The following GARNL3 variants were observed in gnomAD, a reference collection of about 807,000 sequenced individuals.
GARNL3 encodes GTPase-activating Rap/Ran-GAP domain-like protein 3.
In GARNL3, 63 loss-of-function variants were observed where a neutral mutation model predicts 125.0. That is an observed-to-expected ratio of 0.50 (90% CI 0.41 to 0.62). The LOEUF (loss-of-function observed/expected upper bound fraction) is 0.62. GARNL3 is among the 20% of genes least tolerant of loss of function. GARNL3 has a pLI of 0.00. For synonymous variants in GARNL3, 439 were observed against 457.5 expected, an observed-to-expected ratio of 0.96 and a Z score of 0.52; for missense variants, 994 against 1,244.0, an observed-to-expected ratio of 0.80 and a Z score of 3.02.
In GARNL3 at chr9:127,280,579, C is replaced by A. The variant is rs949288450; in HGVS notation, c.145-10589C>A. The stretch of plus-strand genomic sequence containing the variant: ...CAGACACCAAATACGTTTCTCGATT[C>A]TTCTCCATTGGCCGTATAGTAAGTA... On this transcript the variant is annotated intron_variant, in intron 1 of 27. Transcript: ENST00000373387. The surrounding 1 kb of genome is among the most constrained non-coding windows in gnomAD (Gnocchi z 4.5). 2.0e-5 allele frequency among the ~76,000 whole-genome samples: 3 copies of A among 152,204 alleles called. No homozygotes were observed. The highest frequency in any genetic ancestry group is 4.4e-5 in the Non-Finnish European group (3 of 68,038).
intron 15 of GARNL3, 115 bp downstream of exon 15, chr9:127,344,454 T>G: frequency 1.4e-6 from 1 of 737,526 alleles, no homozygotes; most frequent in East Asian, 2.5e-5. Flanking sequence ...CTCTGTAATT[T>G]CTGTTAGGAT....
chr9:127,245,189 C>T (rs2063277280), intron 2 of GARNL3: 1 of 152,376 alleles, frequency 6.6e-6, no homozygotes, highest in South Asian at 2.1e-4. Flanking sequence ...CCTTTCCAGA[C>T]TGCAAGGCCC....
At chr9:127,296,431 G>A (rs1054492628) in intron 2 of GARNL3, among the ~76,000 whole-genome samples, 3 of 150,524 alleles carry the variant, frequency 2.0e-5, no homozygotes, top group Admixed American at 2.0e-4. Flanking sequence ...ATGATTTAGG[G>A]GTTTATATAG....
Position 127,324,968 on chromosome 9 carries a change from A to G in GARNL3, c.568-101A>G, listed in dbSNP as rs1171382240. On this transcript the variant is annotated intron_variant, in intron 6 of 27. Coordinates refer to ENST00000373387, the MANE Select transcript of GARNL3 (RefSeq NM_032293.5). Reference sequence around the variant, plus strand: ...TAACCAACTTTTAAAATTATTTTCAAAATGTCAGTGTGAGCAAACCAAAGC... The same window carrying G: ...TAACCAACTTTTAAAATTATTTTCAGAATGTCAGTGTGAGCAAACCAAAGC... The G allele has an allele frequency of 2.5e-6, 3 of 1,202,840 alleles. No homozygotes were observed. The African/African-American group carries it at 4.6e-5, about 18-fold the overall frequency. The allele number at this position is 1,202,840 out of a possible 1,614,324, so 74.5% of individuals were successfully genotyped here.
At chr9:127,323,779 C>G (rs1435008738) in intron 6 of GARNL3, among the ~76,000 whole-genome samples, 1 of 151,744 alleles carries the variant, frequency 6.6e-6, no homozygotes, top group Non-Finnish European at 1.5e-5. Flanking sequence ...ATATATACAC[C>G]TACTGATGTA....
Position 127,390,698 on chromosome 9 carries a change from C to A in GARNL3, c.2801C>A (p.Pro934His). The change falls in exon 27 of 28, where the codon CCC becomes CAC. Residue 934 changes from proline (P) to histidine (H), a missense_variant. Around this residue, in one of 5 missense-constraint regions of GARNL3, gnomAD observed 728 missense variants for 865.7 expected, o/e 0.84. Transcript: ENST00000373387. ...GGAGCGCCAAAGGCCAAATCAAAAC[C>A]CCGGAAGCGGTTAGAAGAAAGCCAA... ...SEGAPKAKSKPRKRLEESQGG... is the reference protein window; with the variant it reads ...SEGAPKAKSKHRKRLEESQGG... The A allele has an allele frequency of 6.2e-7, 1 of 1,614,028 alleles. No individual in the cohort carries two copies.
At chr9:127,358,638 A>G (rs944389327) in intron 21 of GARNL3, among the ~76,000 whole-genome samples, 1 of 152,354 alleles carries the variant, frequency 6.6e-6, no homozygotes, top group Admixed American at 6.5e-5. Context: ...TGTGATTAGG[A>G]GACCTTCTTG....
At chr9:127,308,512 C>T (rs2065014803) in intron 2 of GARNL3, among the ~76,000 whole-genome samples, 1 of 151,638 alleles carries the variant, frequency 6.6e-6, no homozygotes, top group African/African-American at 2.4e-5. Flanking sequence ...CAAGCCTGCA[C>T]ATGTACCCCT....
upstream of GARNL3, chr9:127,264,250 CGTA>C (rs1398568158): frequency 3.2e-6 from 1 of 311,168 alleles, no homozygotes; most frequent in African/African-American, 2.2e-5. Flanking sequence ...AGGATGAAAA[CGTA>C]GTAACAATTT....
At chr9:127,263,592 C>G (rs2063638091), upstream of GARNL3, 1 of 681,948 alleles carries the variant, frequency 1.5e-6, no homozygotes, top group Non-Finnish European at 1.8e-6. Flanking sequence ...ATATTTAATA[C>G]AGATTGGAAT....
chr9:127,339,121 C>A (rs946563245), intron 12 of GARNL3, among the ~76,000 whole-genome samples: 2 of 151,916 alleles, frequency 1.3e-5, no homozygotes, highest in Non-Finnish European at 2.9e-5. Flanking sequence ...CACGATGAAA[C>A]CCCGTCTGTA....
intron 1 of GARNL3, among the ~76,000 whole-genome samples, chr9:127,274,654 A>G (rs2063907694): frequency 6.6e-6 from 1 of 152,184 alleles, no homozygotes; most frequent in Non-Finnish European, 1.5e-5. Flanking sequence ...TTATGCTGGT[A>G]TCCTGGGAGT....
At chr9:127,235,823 C>G (rs558629426) in intron 1 of GARNL3, among the ~76,000 whole-genome samples, 2 of 152,220 alleles carry the variant, frequency 1.3e-5, no homozygotes, top group East Asian at 3.9e-4. Flanking sequence ...GGACTGGCTT[C>G]AAGAGATAAT....
chr9:127,310,928 C>T lies in GARNL3; in HGVS notation c.220-708C>T, dbSNP rs1449513059. Reference sequence around the variant, plus strand: ...AGATTGGCATTGTGTTGCAGATCCTCGACAACATGCATACCCTTTGACAAA... The same window carrying T: ...AGATTGGCATTGTGTTGCAGATCCTTGACAACATGCATACCCTTTGACAAA... On this transcript the variant is annotated intron_variant, in intron 2 of 27. Coordinates refer to ENST00000373387, the MANE Select transcript of GARNL3 (RefSeq NM_032293.5). Among the ~76,000 whole-genome samples, 6 of 152,182 alleles carry T rather than the reference C, an allele frequency of 3.9e-5. No individual in the cohort carries two copies. The East Asian group carries it at 7.7e-4, about 20-fold the overall frequency.
intron 22 of GARNL3, among the ~76,000 whole-genome samples, chr9:127,368,592 A>G (rs937648137): frequency 2.0e-5 from 3 of 149,824 alleles, no homozygotes; most frequent in Non-Finnish European, 4.4e-5. Context: ...CAGCCTCCCA[A>G]AGTGCTGGGA....
At chr9:127,257,940 T>C (rs1333187289) in intron 2 of GARNL3, among the ~76,000 whole-genome samples, 1 of 152,210 alleles carries the variant, frequency 6.6e-6, no homozygotes, top group African/African-American at 2.4e-5. Flanking sequence ...ATTTATTTAG[T>C]GGCTACTGTG....
chr9:127,383,267 T>C (rs552526430), intron 22 of GARNL3, among the ~76,000 whole-genome samples, 171 bp from the exon 23 acceptor site: 23 of 152,348 alleles, frequency 1.5e-4, no homozygotes, highest in African/African-American at 5.3e-4. Flanking sequence ...TTATTCTGGC[T>C]CAGAATGCCT....
At chr9:127,224,984 G>A (rs1160084944) in intron 1 of GARNL3, among the ~76,000 whole-genome samples, 52 of 146,636 alleles carry the variant, frequency 3.5e-4, no homozygotes, top group African/African-American at 1.2e-3. Context: ...AAGCAGAGCT[G>A]GAGTTGGGAG....
chr9:127,377,312 A>T (rs1831971463), intron 22 of GARNL3, among the ~76,000 whole-genome samples: 1 of 147,840 alleles, frequency 6.8e-6, no homozygotes, highest in Non-Finnish European at 1.5e-5. Context: ...GAATTTTTTT[A>T]AAGATAACGT....
Sources: gnomAD v4.1 joint callset for allele counts (sites outside exome capture counted in the v4.1 genomes callset) on GRCh38, gnomAD v4.1.1 for gene constraint, gnomAD v4.1.1 regional missense constraint, Gnocchi (gnomAD v3.1) non-coding constraint, MANE v1.5 for transcripts, NCBI Gene and HGNC (gene_info 2026-07-23, HGNC 2026-07-21) for gene names.